Variants in ELF5 observed in about 807,000 individuals in gnomAD.
ELF5 encodes the protein E74 like ETS transcription factor 5.
ELF5 carries 31 observed loss-of-function variants against 38.2 expected under a neutral mutation model. The ratio of observed to expected loss-of-function variants is 0.81; its 90% CI spans 0.61 to 1.10. The LOEUF (loss-of-function observed/expected upper bound fraction) is 1.10, where lower values mean the gene tolerates loss of function less well. ELF5 is among the 50% of genes least tolerant of loss of function. The probability of loss-of-function intolerance (pLI) is 0.00; values close to 1 mark genes in which losing one functional copy is unlikely to be tolerated. For missense variants in ELF5, 300 were observed against 306.6 expected (o/e 0.98, Z 0.16); for synonymous variants, 121 against 112.5 (o/e 1.08, Z -0.48).
intron 4 of ELF5, among the ~76,000 whole-genome samples, chr11:34,485,583 T>C (rs1564975044): frequency 6.6e-6 from 1 of 152,218 alleles, no homozygotes; most frequent in Non-Finnish European, 1.5e-5. Context: ...ATGAAGGGGA[T>C]CTGGCTTGGT....
intron 5 of ELF5, 34 bp from the exon 6 acceptor site, chr11:34,481,001 A>G (rs1246427886): frequency 1.4e-6 from 2 of 1,435,014 alleles, no homozygotes; most frequent in South Asian, 1.6e-5. Flanking sequence ...ACTATTTACC[A>G]TTGTTTTTTA....
At chr11:34,513,062 C>T (rs944692233) in intron 1 of ELF5, among the ~76,000 whole-genome samples, 9 of 152,202 alleles carry the variant, frequency 5.9e-5, no homozygotes, top group African/African-American at 2.2e-4. Context: ...CCACAGAAAC[C>T]CCACACACTG....
intron 2 of ELF5, among the ~76,000 whole-genome samples, chr11:34,496,814 G>A (rs527717416): frequency 2.2e-4 from 33 of 152,122 alleles, no homozygotes; most frequent in Non-Finnish European, 4.0e-4. Context: ...TTGCCGTTCC[G>A]GGGACTGACG....
At chr11:34,490,289 C>T (rs1850132036) in intron 3 of ELF5, among the ~76,000 whole-genome samples, 2 of 152,190 alleles carry the variant, frequency 1.3e-5, no homozygotes, top group African/African-American at 4.8e-5. Flanking sequence ...GCACCCAGAA[C>T]CAGGCTTCCC....
chr11:34,510,048 AAT>A (rs1175790641), intron 1 of ELF5, among the ~76,000 whole-genome samples: 1 of 152,160 alleles, frequency 6.6e-6, no homozygotes, highest in Non-Finnish European at 1.5e-5. Context: ...AAAAACTAGA[AAT>A]ATTTTTTGAT....
At chr11:34,513,133 C>A (rs781341819) in intron 1 of ELF5, among the ~76,000 whole-genome samples, 52 of 152,198 alleles carry the variant, frequency 3.4e-4, no homozygotes, top group Non-Finnish European at 6.9e-4. Flanking sequence ...TTTCTGGAAG[C>A]ATTCTCTTCT....
At chr11:34,504,296 G>A (rs1243755601) in intron 2 of ELF5, among the ~76,000 whole-genome samples, 4 of 152,226 alleles carry the variant, frequency 2.6e-5, no homozygotes, top group Non-Finnish European at 5.9e-5. Flanking sequence ...GGGAAACAAG[G>A]TGCTTCTTAG....
chr11:34,494,989 T>C (rs548554834), intron 2 of ELF5, among the ~76,000 whole-genome samples: 3 of 152,248 alleles, frequency 2.0e-5, no homozygotes, highest in Non-Finnish European at 4.4e-5. Context: ...TAAGGATTCA[T>C]GGTGGACAGG....
At chr11:34,493,325 C>A (rs1850224829) in intron 3 of ELF5, 154 bp downstream of exon 3, 1 of 725,644 alleles carries the variant, frequency 1.4e-6, no homozygotes, top group Non-Finnish European at 2.3e-6. Context: ...CCAATTCTGG[C>A]ATACTAGCTT....
chr11:34,502,286 G>C (rs1321156541), intron 2 of ELF5, among the ~76,000 whole-genome samples: 2 of 152,232 alleles, frequency 1.3e-5, no homozygotes, highest in Admixed American at 6.5e-5. Flanking sequence ...CTTTAGGAGG[G>C]CCCAGAATTC....
At chr11:34,505,273 A>G (rs1311981730) in intron 2 of ELF5, among the ~76,000 whole-genome samples, 2 of 152,204 alleles carry the variant, frequency 1.3e-5, no homozygotes, top group Non-Finnish European at 2.9e-5. Flanking sequence ...ATGACCAAGC[A>G]AACACAGCAT....
intron 3 of ELF5, 68 bp downstream of exon 3, chr11:34,493,411 G>A: frequency 4.1e-6 from 6 of 1,448,196 alleles, no homozygotes; most frequent in Non-Finnish European, 5.7e-6. Context: ...GATGGGAAAG[G>A]ACTTCTCAAA....
chr11:34,501,676 T>C (rs1211030239), intron 2 of ELF5, among the ~76,000 whole-genome samples: 2 of 151,974 alleles, frequency 1.3e-5, no homozygotes, highest in Non-Finnish European at 2.9e-5. Context: ...TTCATGAAAT[T>C]CTAGAGTATT....
intron 6 of ELF5, 149 bp from the exon 7 acceptor site, chr11:34,480,463 T>A: frequency 1.4e-6 from 1 of 691,078 alleles, no homozygotes; most frequent in Non-Finnish European, 2.5e-6. Flanking sequence ...AACTTACACT[T>A]AAACCTTTCC....
intron 2 of ELF5, among the ~76,000 whole-genome samples, chr11:34,499,338 C>T (rs543318752): frequency 6.6e-6 from 1 of 152,242 alleles, no homozygotes; most frequent in African/African-American, 2.4e-5. Flanking sequence ...CCCTCCTGGG[C>T]TCAAGCAATC....
intron 1 of ELF5, among the ~76,000 whole-genome samples, chr11:34,510,525 G>A (rs1393777094): frequency 6.6e-6 from 1 of 152,252 alleles, no homozygotes; most frequent in African/African-American, 2.4e-5. Flanking sequence ...TGGAGGTAGA[G>A]CAGGATAGGT....
chr11:34,493,530 C>T lies in ELF5; in HGVS notation c.304G>A (p.Gly102Ser), dbSNP rs772039935. 1 of 1,614,180 alleles carries T rather than the reference C, an allele frequency of 6.2e-7. No homozygotes were observed. Among genetic ancestry groups the T allele is most frequent in the Non-Finnish European group, 8.5e-7 (1 of 1,180,040 alleles). ...MTQEEFVEAAGLCGEYLYFIL... is the reference protein window; with the variant it reads ...MTQEEFVEAASLCGEYLYFIL... ...AAGTACAGGTACTCGCCGCAGAGGCCAGCTGCCTCGACGAACTCCTCCTGT... is the reference window on the plus strand; with the variant it reads ...AAGTACAGGTACTCGCCGCAGAGGCTAGCTGCCTCGACGAACTCCTCCTGT... Residue 102 changes from glycine (G) to serine (S), a missense_variant, in exon 3 of 7, where the codon GGC (glycine) becomes AGC (serine). By Grantham distance (56) the Gly-to-Ser change is moderately conservative. Transcript: ENST00000257832.
rs763886781 is a variant in ELF5 at position 34,480,921 on chromosome 11, T to C, written c.522A>G (p.Leu174=). The C allele has an allele frequency of 3.7e-6, 6 of 1,614,106 alleles. No homozygotes were observed. The highest frequency in any genetic ancestry group is 3.3e-5 in the South Asian group (3 of 91,074). ...HLWEFVRDLL[L]SPEENCGILE... ...GAATGCCACAGTTTTCTTCAGGAGA[T>C]AGAAGCAGGTCTCGTACAAATTCCC... The change falls in exon 6 of 7, where the codon CTA becomes CTG. Residue 174 remains leucine, a synonymous_variant. Transcript: ENST00000257832.
intron 2 of ELF5, among the ~76,000 whole-genome samples, chr11:34,503,674 A>G (rs900992526): frequency 6.6e-6 from 1 of 152,170 alleles, no homozygotes; most frequent in African/African-American, 2.4e-5. Context: ...CTGGTCTCCA[A>G]TTCCTAGGCT....
Sources: gnomAD v4.1 joint callset for allele counts (sites outside exome capture counted in the v4.1 genomes callset) on GRCh38, gnomAD v4.1.1 for gene constraint, MANE v1.5 for transcripts, NCBI Gene and HGNC (gene_info 2026-07-23, HGNC 2026-07-21) for gene names.